Variants in TRPM3 observed in about 807,000 individuals in gnomAD.
The protein encoded by TRPM3 is transient receptor potential cation channel subfamily M member 3, also known as long transient receptor potential channel 3.
TRPM3 carries 77 observed loss-of-function variants against 181.2 expected under a neutral mutation model. The ratio of observed to expected loss-of-function variants is 0.42; its 90% CI spans 0.35 to 0.51. The LOEUF (loss-of-function observed/expected upper bound fraction) is 0.51. TRPM3 is among the 20% of genes least tolerant of loss of function. TRPM3 has a pLI of 0.01. For synonymous variants in TRPM3, 745 were observed against 796.4 expected (o/e 0.94, Z 1.09); for missense variants, 1,759 against 2,196.7 (o/e 0.80, Z 3.98).
intron 8 of TRPM3, among the ~76,000 whole-genome samples, chr9:70,698,735 C>G (rs1379487079): frequency 6.6e-6 from 1 of 151,990 alleles, no homozygotes; most frequent in East Asian, 1.9e-4. Context: ...TAGCACCATC[C>G]CCCCTTGGTA....
At chr9:70,921,989 G>A (rs1001100708) in intron 1 of TRPM3, among the ~76,000 whole-genome samples, 1 of 128,312 alleles carries the variant, frequency 7.8e-6, no homozygotes, top group Non-Finnish European at 1.6e-5. Flanking sequence ...AGTTATTTTT[G>A]TGGTTCTACA....
intron 1 of TRPM3, among the ~76,000 whole-genome samples, chr9:71,333,752 C>A (rs1029599360): frequency 2.6e-5 from 4 of 151,832 alleles, no homozygotes; most frequent in African/African-American, 9.7e-5. Flanking sequence ...ATTCCTTATG[C>A]ACAGAAATAG....
chr9:71,232,915 T>A (rs2081151506), intron 1 of TRPM3, among the ~76,000 whole-genome samples: 1 of 152,116 alleles, frequency 6.6e-6, no homozygotes, highest in Non-Finnish European at 1.5e-5. Context: ...AACATTCCAG[T>A]CCCCGTTTTC....
At chr9:70,579,826 C>T (rs2055151660) in intron 22 of TRPM3, among the ~76,000 whole-genome samples, 1 of 152,204 alleles carries the variant, frequency 6.6e-6, no homozygotes, top group Non-Finnish European at 1.5e-5. Flanking sequence ...GCCGTTTTGC[C>T]ACCATGTGTC....
At chr9:70,802,395 GAC>G (rs2131246943) in intron 6 of TRPM3, among the ~76,000 whole-genome samples, 1 of 152,312 alleles carries the variant, frequency 6.6e-6, no homozygotes, top group Non-Finnish European at 1.5e-5. Context: ...AGCAGCCAGA[GAC>G]ATCACATAAA....
At chr9:71,123,772 G>A (rs375398068), upstream of TRPM3, among the ~76,000 whole-genome samples, 1 of 152,276 alleles carries the variant, frequency 6.6e-6, no homozygotes, top group African/African-American at 2.4e-5. Flanking sequence ...TAGTGGGGAA[G>A]GCTCCAGCCT....
intron 1 of TRPM3, among the ~76,000 whole-genome samples, chr9:70,876,271 A>G (rs1452380986): frequency 6.7e-6 from 1 of 150,126 alleles, no homozygotes; most frequent in Non-Finnish European, 1.5e-5. Context: ...ATATACATAT[A>G]CATACATACA....
At chr9:71,422,231 T>A (rs1407779086) in intron 1 of TRPM3, among the ~76,000 whole-genome samples, 1 of 151,972 alleles carries the variant, frequency 6.6e-6, no homozygotes, top group Non-Finnish European at 1.5e-5. Context: ...TACCAACTTA[T>A]GAAGAAGGCA....
At chr9:71,111,626 G>T (rs971101969) in intron 1 of TRPM3, among the ~76,000 whole-genome samples, 1 of 152,114 alleles carries the variant, frequency 6.6e-6, no homozygotes, top group Non-Finnish European at 1.5e-5. Flanking sequence ...CTGTTTTAAC[G>T]AAACATCATT....
At chr9:70,699,014 A>G (rs1564052067) in intron 8 of TRPM3, among the ~76,000 whole-genome samples, 1 of 152,182 alleles carries the variant, frequency 6.6e-6, no homozygotes, top group Non-Finnish European at 1.5e-5. Flanking sequence ...GAACTAATAC[A>G]CACAGAAAAC....
intron 1 of TRPM3, among the ~76,000 whole-genome samples, chr9:71,369,877 C>T (rs2092456384): frequency 6.6e-6 from 1 of 152,190 alleles, no homozygotes; most frequent in African/African-American, 2.4e-5. Context: ...CAAAGTCCAG[C>T]AGCTCTCTTT....
intron 1 of TRPM3, among the ~76,000 whole-genome samples, chr9:71,027,262 T>C (rs1181251490): frequency 1.3e-5 from 2 of 152,108 alleles, no homozygotes; most frequent in Non-Finnish European, 2.9e-5. Flanking sequence ...GACCACCTTA[T>C]ACCATCATCA....
At chr9:71,354,530 GTTATT>G (rs1352037532) in intron 1 of TRPM3, among the ~76,000 whole-genome samples, 7 of 152,290 alleles carry the variant, frequency 4.6e-5, no homozygotes, top group South Asian at 2.1e-4. Context: ...AATTTTAAAA[GTTATT>G]TTATTTCAAA....
intron 5 of TRPM3, among the ~76,000 whole-genome samples, chr9:70,839,112 G>A (rs966387041): frequency 6.6e-6 from 1 of 152,174 alleles, no homozygotes; most frequent in African/African-American, 2.4e-5. Flanking sequence ...ATCATGTGAT[G>A]CAGCTTGGGG....
chr9:70,578,259 A>G (rs1008626780), intron 22 of TRPM3, among the ~76,000 whole-genome samples: 2 of 147,592 alleles, frequency 1.4e-5, no homozygotes, highest in Non-Finnish European at 3.0e-5. Context: ...GATCACTCAG[A>G]CCACTTTCTT....
At chr9:71,140,456 A>T (rs1442830441) in intron 1 of TRPM3, among the ~76,000 whole-genome samples, 2 of 152,096 alleles carry the variant, frequency 1.3e-5, no homozygotes, top group African/African-American at 4.8e-5. Context: ...CATTCTCTGA[A>T]TCTGTTCCAA....
intron 6 of TRPM3, among the ~76,000 whole-genome samples, chr9:70,806,598 A>G (rs2090739254): frequency 6.6e-6 from 1 of 152,022 alleles, no homozygotes; most frequent in African/African-American, 2.4e-5. Context: ...GCTGAGGCAG[A>G]AGAATCGCTG....
chr9:71,424,377 C>G (rs11142821), intron 1 of TRPM3, among the ~76,000 whole-genome samples: 9,851 of 152,078 alleles, frequency 0.065, 445 homozygotes, highest in Non-Finnish European at 0.11. Context: ...TCAAGAAACT[C>G]CTTGACCACA....
intron 8 of TRPM3, among the ~76,000 whole-genome samples, chr9:70,689,432 C>T (rs942602096): frequency 2.6e-5 from 4 of 151,520 alleles, no homozygotes; most frequent in African/African-American, 9.7e-5. Flanking sequence ...TTTACACTAT[C>T]GATGAATACT....
Sources: allele counts gnomAD v4.1 joint callset (sites outside exome capture counted in the v4.1 genomes callset), GRCh38; gene constraint gnomAD v4.1.1; transcripts MANE v1.5; gene names NCBI Gene and HGNC (gene_info 2026-07-23, HGNC 2026-07-21).